Variants in ATXN7L1 observed in about 807,000 individuals in gnomAD.
ATXN7L1 encodes the protein ataxin 7 like 1.
In ATXN7L1, 15 loss-of-function variants were observed where a neutral mutation model predicts 70.8. That is an observed-to-expected ratio of 0.21 (90% CI 0.14 to 0.33). The LOEUF is 0.33. Ranked by LOEUF, ATXN7L1 falls within the 10% of genes least tolerant of loss-of-function variation. The pLI, the probability that ATXN7L1 is intolerant of heterozygous loss-of-function variation, is 1.00. For synonymous variants in ATXN7L1, 440 were observed against 445.1 expected (o/e 0.99, Z 0.14); for missense variants, 975 against 1,097.1 (o/e 0.89, Z 1.57).
intron 3 of ATXN7L1, among the ~76,000 whole-genome samples, chr7:105,742,174 T>A (rs534579182): frequency 1.5e-4 from 23 of 152,226 alleles, no homozygotes; most frequent in Non-Finnish European, 2.4e-4. Flanking sequence ...TTCAGAAGAG[T>A]AAGCATGCTC....
rs1280189064 is a variant in ATXN7L1, at chr7:105,686,208, T to C, written c.356-20920A>G. Reference sequence around the variant, plus strand: ...GGATAAACCCATCATAAATTGAAAATATCGTAAGTCAAAAATGCATTTAAG... The same window carrying C: ...GGATAAACCCATCATAAATTGAAAACATCGTAAGTCAAAAATGCATTTAAG... On this transcript the variant is annotated intron_variant, in intron 3 of 11. Transcript: ENST00000419735. Among the ~76,000 whole-genome samples, 3 of 151,484 alleles carry C rather than the reference T, an allele frequency of 2.0e-5. 1 individual carries two copies. The highest frequency in any genetic ancestry group is 4.2e-4 in the South Asian group (2 of 4,792).
chr7:105,776,665 C>T (rs1006230537), intron 3 of ATXN7L1, among the ~76,000 whole-genome samples: 2 of 152,110 alleles, frequency 1.3e-5, no homozygotes, highest in African/African-American at 4.8e-5. Context: ...AGAATTTGCA[C>T]CAGCCACCAT....
At chr7:105,655,023 C>T (rs906423337) in intron 4 of ATXN7L1, among the ~76,000 whole-genome samples, 1 of 151,782 alleles carries the variant, frequency 6.6e-6, no homozygotes, top group African/African-American at 2.4e-5. Context: ...GGATTACAGG[C>T]GTGAGCCACA....
At chr7:105,783,852 TG>T (rs879461625) in intron 3 of ATXN7L1, among the ~76,000 whole-genome samples, 7 of 152,196 alleles carry the variant, frequency 4.6e-5, no homozygotes, top group African/African-American at 7.2e-5. Context: ...GACAGAAATG[TG>T]GGTAACCTGG....
At chr7:105,859,213 T>C (rs1319977939) in intron 2 of ATXN7L1, among the ~76,000 whole-genome samples, 2 of 152,148 alleles carry the variant, frequency 1.3e-5, no homozygotes, top group African/African-American at 2.4e-5. Flanking sequence ...TGTCATGCTG[T>C]CTGTGACTTA....
chr7:105,802,111 T>C (rs1358783076), intron 2 of ATXN7L1, among the ~76,000 whole-genome samples: 1 of 152,124 alleles, frequency 6.6e-6, no homozygotes, highest in Non-Finnish European at 1.5e-5. Flanking sequence ...GTGGTCATCC[T>C]CTAAACCCCA....
At chr7:105,829,005 T>C (rs1811229883) in intron 2 of ATXN7L1, among the ~76,000 whole-genome samples, 1 of 152,154 alleles carries the variant, frequency 6.6e-6, no homozygotes, top group Non-Finnish European at 1.5e-5. Flanking sequence ...AGATAAGCAG[T>C]CTTATTTGCT....
chr7:105,780,103 C>T (rs935682746), intron 3 of ATXN7L1, among the ~76,000 whole-genome samples: 1 of 152,228 alleles, frequency 6.6e-6, no homozygotes, highest in African/African-American at 2.4e-5. Context: ...GACTAACTCT[C>T]TCTAGGGCTC....
intron 3 of ATXN7L1, among the ~76,000 whole-genome samples, chr7:105,682,592 C>T (rs1253557059): frequency 6.6e-6 from 1 of 152,122 alleles, no homozygotes; most frequent in Non-Finnish European, 1.5e-5. Flanking sequence ...TAAAAGAATA[C>T]TCAGCCATAA....
At chr7:105,651,643 C>G (rs921466721) in intron 4 of ATXN7L1, among the ~76,000 whole-genome samples, 2 of 152,176 alleles carry the variant, frequency 1.3e-5, no homozygotes, top group African/African-American at 4.8e-5. Flanking sequence ...ATTCAATGGC[C>G]CTTTTCCAGG....
intron 2 of ATXN7L1, among the ~76,000 whole-genome samples, chr7:105,851,373 C>T (rs570097387): frequency 3.7e-4 from 56 of 152,300 alleles, no homozygotes; most frequent in African/African-American, 7.0e-4. Flanking sequence ...ATCAACTATA[C>T]GCAGAGATGG....
chr7:105,653,161 T>A (rs1800114879), intron 4 of ATXN7L1, among the ~76,000 whole-genome samples: 2 of 152,224 alleles, frequency 1.3e-5, no homozygotes, highest in Non-Finnish European at 2.9e-5. Context: ...TTAATCTCTA[T>A]GTTAGCAATA....
chr7:105,796,669 G>T (rs1274955083), intron 2 of ATXN7L1, among the ~76,000 whole-genome samples: 1 of 152,126 alleles, frequency 6.6e-6, no homozygotes, highest in African/African-American at 2.4e-5. Flanking sequence ...GGTCCTAAGA[G>T]TCTTCCTTTC....
chr7:105,721,376 G>T (rs1011801004), intron 3 of ATXN7L1, among the ~76,000 whole-genome samples: 1 of 152,200 alleles, frequency 6.6e-6, no homozygotes, highest in Non-Finnish European at 1.5e-5. Flanking sequence ...AACGGGGTGC[G>T]AAGCGGAGCT....
chr7:105,857,436 TC>T (rs531169713), intron 2 of ATXN7L1, among the ~76,000 whole-genome samples: 3 of 152,170 alleles, frequency 2.0e-5, no homozygotes, highest in Non-Finnish European at 4.4e-5. Flanking sequence ...TGTTCCACCT[TC>T]ACATTCCACA....
At position 105,642,856 on chromosome 7, in the gene ATXN7L1, G is replaced by T; in HGVS notation, c.844C>A (p.Pro282Thr). ...HQNGTKNSNK[P>T]YRRLSEREFD... Reference sequence around the variant, plus strand: ...CACATACCTGAAAGTCTCCTGTAAGGCTTGTTGCTGTTTTTGGTGCCATTT... The same window carrying T: ...CACATACCTGAAAGTCTCCTGTAAGTCTTGTTGCTGTTTTTGGTGCCATTT... The change falls in exon 5 of 12, where the codon CCT becomes ACT. Residue 282 changes from proline to threonine, a missense_variant. Around this residue, in one of 5 missense-constraint regions of ATXN7L1, gnomAD observed 192 missense variants for 215.5 expected, o/e 0.89. Transcript: ENST00000419735. 1 of 1,551,588 alleles carries T rather than the reference G, an allele frequency of 6.4e-7. No individual in the cohort carries two copies. The highest frequency in any genetic ancestry group is 8.7e-7 in the Non-Finnish European group (1 of 1,146,934).
At chr7:105,733,904 CATCCAT>C (rs1204549715) in intron 3 of ATXN7L1, among the ~76,000 whole-genome samples, 1 of 126,344 alleles carries the variant, frequency 7.9e-6, no homozygotes, top group Non-Finnish European at 1.7e-5. Flanking sequence ...ATCCATCCAT[CATCCAT>C]CATCCATCCA....
chr7:105,665,089 C>A lies in ATXN7L1; in HGVS notation c.555G>T (p.Ala185=), dbSNP rs965887070. The part of the protein sequence containing the change: ...SSSKQHTVFP[A]KGSRDKPCVP... ...ACCATGGTTTATCCCTTGATCCTTT[C>A]GCAGGAAAGACTGTGTGCTGTTTGC... The change falls in exon 4 of 12, where the codon GCG becomes GCT. Residue 185 remains alanine (A), a synonymous_variant. Transcript: ENST00000419735. 6.4e-7 allele frequency: 1 copy of A among 1,551,272 alleles called. No homozygotes were observed. The highest frequency in any genetic ancestry group is 1.2e-5 in the South Asian group (1 of 83,998).
intron 3 of ATXN7L1, among the ~76,000 whole-genome samples, chr7:105,777,693 T>C (rs1484273258): frequency 6.6e-6 from 1 of 152,250 alleles, no homozygotes; most frequent in African/African-American, 2.4e-5. Flanking sequence ...CCGCTAGCTA[T>C]GCATTAGCTC....
Sources: allele counts gnomAD v4.1 joint callset (sites outside exome capture counted in the v4.1 genomes callset), GRCh38; gene constraint gnomAD v4.1.1; regional missense constraint gnomAD v4.1.1; transcripts MANE v1.5; gene names NCBI Gene and HGNC (gene_info 2026-07-23, HGNC 2026-07-21).